Variants in FMN2 observed in about 807,000 individuals in gnomAD.
FMN2 encodes formin-2.
A neutral mutation model predicts 142.3 loss-of-function variants in FMN2; 51 were observed. The ratio of observed to expected loss-of-function variants is 0.36; its 90% CI spans 0.29 to 0.45. The LOEUF is 0.45. FMN2 is among the 20% of genes least tolerant of loss of function. The probability of loss-of-function intolerance (pLI) is 1.00; values close to 1 mark genes in which losing one functional copy is unlikely to be tolerated. For missense variants in FMN2, 1,936 were observed against 2,122.8 expected, an observed-to-expected ratio of 0.91 and a Z score of 1.73; for synonymous variants, 882 against 869.8, an observed-to-expected ratio of 1.01 and a Z score of -0.25.
chr1:240,223,499 A>G (rs1667193424), intron 6 of FMN2, among the ~76,000 whole-genome samples: 1 of 152,192 alleles, frequency 6.6e-6, no homozygotes, highest in Non-Finnish European at 1.5e-5. Flanking sequence ...CTGGCCTCAC[A>G]AAATGAGTTA....
chr1:240,126,888 A>T (rs566757299), intron 2 of FMN2, among the ~76,000 whole-genome samples: 13 of 152,226 alleles, frequency 8.5e-5, no homozygotes, highest in African/African-American at 3.1e-4. Flanking sequence ...GATATGAAGG[A>T]ACACAGGACC....
chr1:240,112,292 C>A (rs1661842629), intron 1 of FMN2, among the ~76,000 whole-genome samples: 1 of 152,086 alleles, frequency 6.6e-6, no homozygotes, highest in Non-Finnish European at 1.5e-5. Flanking sequence ...CCACCACACC[C>A]AGCTAATTTT....
chr1:240,416,031 A>G (rs1674565072), intron 15 of FMN2, among the ~76,000 whole-genome samples: 1 of 152,078 alleles, frequency 6.6e-6, no homozygotes, highest in Admixed American at 6.6e-5. Flanking sequence ...CCACCAGACC[A>G]GAGCCCCTTC....
chr1:240,195,618 G>GT (rs1665883747), intron 4 of FMN2, among the ~76,000 whole-genome samples: 1 of 152,024 alleles, frequency 6.6e-6, no homozygotes, highest in Admixed American at 6.6e-5. Flanking sequence ...ATCTAAACCT[G>GT]TATTTTTTCT....
Position 240,220,867 on chromosome 1 carries a change from GC to G in FMN2, c.4065+9639del, listed in dbSNP as rs566045877. ...TTCTCCTAATGCTATCCCTCCTCCA[GC>G]CCCCCCACCCCACGACAGGCCCCGG... is the stretch of plus-strand genomic sequence containing the variant. On this transcript the variant is annotated intron_variant, in intron 6 of 17. Transcript: ENST00000319653. Among the ~76,000 whole-genome samples, 413 of 151,716 alleles carry G rather than the reference GC, an allele frequency of 2.7e-3. 3 individuals are homozygous for G. In the South Asian group the frequency reaches 0.027, roughly 10 times the overall value.
rs369576395 is a variant in FMN2, at chr1:240,232,152, C to T, written c.4065+20917C>T. Among the ~76,000 whole-genome samples the T allele has an allele frequency of 3.1e-3, 472 of 152,094 alleles. 3 individuals are homozygous for T. The highest frequency in any genetic ancestry group is 6.8e-3 in the Middle Eastern group (2 of 294). The stretch of plus-strand genomic sequence containing the variant: ...TGATGCGATCTCAGCTCACTGCAAC[C>T]TCCGCCTCCTGGGTTCAAGGGATTC... On this transcript the variant is annotated intron_variant, in intron 6 of 17. Transcript: ENST00000319653.
chr1:240,254,861 C>A (rs1001712337), intron 6 of FMN2, among the ~76,000 whole-genome samples: 1 of 152,094 alleles, frequency 6.6e-6, no homozygotes, highest in African/African-American at 2.4e-5. Context: ...CTATTGGGCC[C>A]CAGGCCAGGA....
rs994348699 is a variant in FMN2, at chr1:240,474,497, C to T, written c.*343C>T. ...AATTCACTGTTGTGAGAATATTCCT[C>T]GTCACAGCAAAAACACTTTCCTTTC... On this transcript the variant is annotated 3_prime_UTR_variant, in exon 18 of 18. Transcript: ENST00000319653. 5.8e-5 allele frequency: 12 copies of T among 206,128 alleles called. No individual in the cohort carries two copies. Among genetic ancestry groups the T allele is most frequent in the Admixed American group, 2.4e-4 (4 of 16,892 alleles). 12.8% of individuals were successfully genotyped at this position (206,128 alleles called of 1,614,324 possible). A position where few individuals can be genotyped will look rare whatever the true frequency, so the allele number is the denominator to read the frequency against.
chr1:240,290,466 T>A (rs1042360719), intron 7 of FMN2, among the ~76,000 whole-genome samples: 1 of 152,186 alleles, frequency 6.6e-6, no homozygotes, highest in African/African-American at 2.4e-5. Context: ...TTAATCTAAT[T>A]TCTGAACCAA....
chr1:240,295,742 C>T (rs1011758779), intron 8 of FMN2, among the ~76,000 whole-genome samples: 10 of 152,170 alleles, frequency 6.6e-5, no homozygotes, highest in Admixed American at 2.0e-4. Flanking sequence ...ACAGATATCT[C>T]TTCAACATAC....
intron 6 of FMN2, among the ~76,000 whole-genome samples, chr1:240,229,060 C>T (rs1358754437): frequency 1.3e-5 from 2 of 151,552 alleles, no homozygotes; most frequent in Non-Finnish European, 2.9e-5. Context: ...CACCAGAATC[C>T]CCCAGAGACA....
chr1:240,159,907 A>G (rs1166054174), intron 2 of FMN2, among the ~76,000 whole-genome samples: 77 of 44,444 alleles, frequency 1.7e-3, no homozygotes, highest in Non-Finnish European at 2.0e-3. Flanking sequence ...ATATCTGTGT[A>G]TATATATATA....
chr1:240,330,142 T>A (rs751897667), intron 10 of FMN2, among the ~76,000 whole-genome samples: 2 of 152,212 alleles, frequency 1.3e-5, no homozygotes, highest in African/African-American at 2.4e-5. Context: ...AACCTAAATT[T>A]AGAAATTAAT....
intron 1 of FMN2, among the ~76,000 whole-genome samples, chr1:240,095,260 A>G (rs1472571143): frequency 6.6e-6 from 1 of 152,224 alleles, no homozygotes; most frequent in Admixed American, 6.5e-5. Flanking sequence ...ATAATTCACC[A>G]TAATGATTAT....
chr1:240,333,401 G>T (rs1312039432), intron 11 of FMN2, among the ~76,000 whole-genome samples: 1 of 152,026 alleles, frequency 6.6e-6, no homozygotes, highest in African/African-American at 2.4e-5. Flanking sequence ...TAAAAGCTCC[G>T]CTTTACTTAA....
intron 2 of FMN2, among the ~76,000 whole-genome samples, chr1:240,142,057 A>G (rs1398870108): frequency 6.6e-5 from 10 of 152,206 alleles, no homozygotes; most frequent in Admixed American, 3.9e-4. Context: ...TTTTGATCAC[A>G]GACTGATGGA....
intron 8 of FMN2, among the ~76,000 whole-genome samples, chr1:240,327,710 C>T (rs1671218117): frequency 6.6e-6 from 1 of 152,138 alleles, no homozygotes; most frequent in African/African-American, 2.4e-5. Context: ...TATAAAATCT[C>T]CTACCCTATA....
chr1:240,114,002 T>G (rs1661921238), intron 1 of FMN2, among the ~76,000 whole-genome samples: 2 of 152,220 alleles, frequency 1.3e-5, no homozygotes, highest in African/African-American at 4.8e-5. Context: ...GATATTTTAT[T>G]GTGAAAGTGG....
At chr1:240,196,150 G>A (rs1273986037) in intron 4 of FMN2, among the ~76,000 whole-genome samples, 1 of 152,232 alleles carries the variant, frequency 6.6e-6, no homozygotes, top group Non-Finnish European at 1.5e-5. Flanking sequence ...TTTATGCTCA[G>A]TAGTCGGGAG....
Sources: gnomAD v4.1 joint callset for allele counts (sites outside exome capture counted in the v4.1 genomes callset) on GRCh38, gnomAD v4.1.1 for gene constraint, MANE v1.5 for transcripts, NCBI Gene and HGNC (gene_info 2026-07-23, HGNC 2026-07-21) for gene names.